RHBDL3: variants seen among roughly 807,000 people sequenced by gnomAD.
RHBDL3 encodes the protein rhomboid-related protein 3.
RHBDL3 carries 28 observed loss-of-function variants against 48.2 expected under a neutral mutation model. That is an observed-to-expected ratio of 0.58 (90% CI 0.43 to 0.80). The LOEUF (loss-of-function observed/expected upper bound fraction) is 0.80. RHBDL3 is among the 30% of genes least tolerant of loss of function. RHBDL3 has a pLI of 0.00. For synonymous variants in RHBDL3, 208 were observed against 232.3 expected, an observed-to-expected ratio of 0.90 and a Z score of 0.95; for missense variants, 464 against 542.7, an observed-to-expected ratio of 0.85 and a Z score of 1.44.
chr17:32,284,969 T>G, intron 3 of RHBDL3, 152 bp downstream of exon 3: 1 of 688,650 alleles, frequency 1.5e-6, no homozygotes. Flanking sequence ...CACCAAGGAC[T>G]CATCTTCTCT....
chr17:32,314,209 A>G (rs912255883), intron 7 of RHBDL3, among the ~76,000 whole-genome samples: 1 of 152,168 alleles, frequency 6.6e-6, no homozygotes, highest in Non-Finnish European at 1.5e-5. Context: ...TCTGTGAAGA[A>G]GGGGTGGCCG....
chr17:32,294,309 T>C lies in RHBDL3; in HGVS notation c.535T>C (p.Tyr179His). Residue 179 changes from tyrosine to histidine, a missense_variant, in exon 5 of 9, where the codon TAC becomes CAC. Physicochemically the swap from Tyr to His is moderately conservative, Grantham distance 83. Transcript: ENST00000269051. ...TTCTGTCCAGGTTGCCTTTTTCCTC[T>C]ACAATGGGGTGTCACTAGGTCAATT... ...VTLLEVAFFL[Y>H]NGVSLGQFVL... 1 of 1,613,892 alleles carries C rather than the reference T, an allele frequency of 6.2e-7. No individual in the cohort carries two copies. The highest frequency in any genetic ancestry group is 1.3e-5 in the African/African-American group (1 of 74,994).
intron 3 of RHBDL3, among the ~76,000 whole-genome samples, chr17:32,285,928 C>A (rs2040189149): frequency 6.6e-6 from 1 of 152,150 alleles, no homozygotes; most frequent in African/African-American, 2.4e-5. Flanking sequence ...TGAGGTCCAG[C>A]CTTGGTCCAA....
chr17:32,272,611 C>T (rs1271397875), intron 2 of RHBDL3, among the ~76,000 whole-genome samples: 1 of 152,216 alleles, frequency 6.6e-6, no homozygotes, highest in African/African-American at 2.4e-5. Context: ...CTGTGGACTC[C>T]TCTTCACCAC....
At chr17:32,278,104 C>G (rs1191335250) in intron 2 of RHBDL3, among the ~76,000 whole-genome samples, 1 of 151,988 alleles carries the variant, frequency 6.6e-6, no homozygotes. Flanking sequence ...TTGAGACTAG[C>G]CTGGCCAACA....
chr17:32,303,848 A>G (rs2040645409), intron 6 of RHBDL3, among the ~76,000 whole-genome samples: 1 of 151,962 alleles, frequency 6.6e-6, no homozygotes, highest in Non-Finnish European at 1.5e-5. Flanking sequence ...GCCTCCTCCT[A>G]AGTCCGTGGA....
At chr17:32,279,944 C>T (rs1000596824) in intron 2 of RHBDL3, among the ~76,000 whole-genome samples, 2 of 152,168 alleles carry the variant, frequency 1.3e-5, no homozygotes, top group African/African-American at 4.8e-5. Flanking sequence ...GGCTGAGCGC[C>T]CCAGGAATGG....
rs984098544 is a variant in RHBDL3 at position 32,266,173 on chromosome 17, C to G, written c.-17C>G. On this transcript the variant is annotated 5_prime_UTR_variant, in exon 1 of 9. Transcript: ENST00000269051. ...CGAGCCCCGCAGCCGCCGCCGCCCC[C>G]GGACCCCGTCTCGGCCATGGGCGAG... 4.3e-4 allele frequency: 485 copies of G among 1,118,340 alleles called. 1 individual carries two copies. Among genetic ancestry groups the G allele is most frequent in the Middle Eastern group, 3.2e-3 (9 of 2,856 alleles). The allele number at this position is 1,118,340 out of a possible 1,614,324, so 69.3% of individuals were successfully genotyped here. A position where few individuals can be genotyped will look rare whatever the true frequency, so the allele number is the denominator to read the frequency against.
chr17:32,282,761 T>C (rs1016022776), intron 2 of RHBDL3, among the ~76,000 whole-genome samples: 1 of 152,192 alleles, frequency 6.6e-6, no homozygotes, highest in Non-Finnish European at 1.5e-5. Flanking sequence ...TAGCTGGGAC[T>C]ACAGGCGCCT....
In RHBDL3 at chr17:32,305,430, A is replaced by G. The variant is rs745679411; in HGVS notation, c.871A>G (p.Asn291Asp). 1.2e-6 allele frequency: 2 copies of G among 1,609,696 alleles called. No individual in the cohort carries two copies. Among genetic ancestry groups the G allele is most frequent in the South Asian group, 2.2e-5 (2 of 90,988 alleles). The change falls in exon 7 of 9, where the codon AAC becomes GAC. Residue 291 changes from asparagine (N) to aspartate (D), a missense_variant. Asn to Asp is a conservative substitution (Grantham distance 23). Transcript: ENST00000269051. ...VYALVSAHLA[N>D]IVMNWSGMKC... ...TGCTCTCGTCTCTGCCCATCTGGCC[A>G]ACATTGTCATGGTGAGCACCTCCCG... is the stretch of plus-strand genomic sequence containing the variant.
Position 32,322,824 on chromosome 17 carries a change from C to G in RHBDL3, c.*1595C>G, listed in dbSNP as rs545927589. On this transcript the variant is annotated 3_prime_UTR_variant, in exon 9 of 9. Coordinates refer to ENST00000269051, the MANE Select transcript of RHBDL3 (RefSeq NM_138328.3). ...GAGGATGACCTTTGACAAAAGATGA[C>G]ACTCCCTTTATCGTGCTCTTGGAAT... 1 of 152,298 alleles carries G rather than the reference C, an allele frequency of 6.6e-6. No individual in the cohort carries two copies. Among genetic ancestry groups the G allele is most frequent in the Non-Finnish European group, 1.5e-5 (1 of 68,108 alleles). The allele number at this position is 152,298 out of a possible 1,614,324, so 9.4% of individuals were successfully genotyped here.
intron 2 of RHBDL3, among the ~76,000 whole-genome samples, chr17:32,275,873 G>T (rs775460228): frequency 1.3e-5 from 2 of 152,152 alleles, no homozygotes; most frequent in Admixed American, 6.5e-5. Context: ...GCTGTCAGGG[G>T]CCTGGCCTGG....
intron 7 of RHBDL3, among the ~76,000 whole-genome samples, chr17:32,315,659 T>C (rs1159558218): frequency 6.6e-6 from 1 of 151,924 alleles, no homozygotes; most frequent in Non-Finnish European, 1.5e-5. Flanking sequence ...AATGGAAACT[T>C]ACTCTGAGCT....
At chr17:32,300,834 G>T (rs1472390454) in intron 6 of RHBDL3, among the ~76,000 whole-genome samples, 1 of 151,814 alleles carries the variant, frequency 6.6e-6, no homozygotes, top group Non-Finnish European at 1.5e-5. Context: ...TACCTGAAAA[G>T]TACTAGAACT....
At chr17:32,298,282 C>T in intron 6 of RHBDL3, 78 bp downstream of exon 6, 1 of 916,516 alleles carries the variant, frequency 1.1e-6, no homozygotes, top group Non-Finnish European at 1.7e-6. Context: ...CGGGGCAAGC[C>T]CCAGGTTTCC....
chr17:32,295,991 C>A (rs528068406), intron 5 of RHBDL3, among the ~76,000 whole-genome samples: 1 of 152,128 alleles, frequency 6.6e-6, no homozygotes, highest in Non-Finnish European at 1.5e-5. Flanking sequence ...CTTTGGGGGG[C>A]CAAGGCAGGC....
chr17:32,302,255 A>T (rs1198166748), intron 6 of RHBDL3, among the ~76,000 whole-genome samples: 3 of 152,046 alleles, frequency 2.0e-5, no homozygotes, highest in Admixed American at 1.3e-4. Flanking sequence ...GGCCTTTATT[A>T]CTGTGTTTAT....
intron 2 of RHBDL3, among the ~76,000 whole-genome samples, chr17:32,278,534 G>T (rs2039966820): frequency 6.6e-6 from 1 of 152,182 alleles, no homozygotes; most frequent in Non-Finnish European, 1.5e-5. Context: ...TAGTGAATAT[G>T]TGTTAGGTGG....
chr17:32,316,828 T>A (rs1265271994), intron 8 of RHBDL3, among the ~76,000 whole-genome samples: 1 of 150,984 alleles, frequency 6.6e-6, no homozygotes, highest in Non-Finnish European at 1.5e-5. Flanking sequence ...TTTTATTTTA[T>A]TTTATTTTAT....
Sources: gnomAD v4.1 joint callset for allele counts (sites outside exome capture counted in the v4.1 genomes callset) on GRCh38, gnomAD v4.1.1 for gene constraint, MANE v1.5 for transcripts, NCBI Gene and HGNC (gene_info 2026-07-23, HGNC 2026-07-21) for gene names.